The following CSGALNACT1 variants were observed in gnomAD, a reference collection of about 807,000 sequenced individuals.
CSGALNACT1 encodes beta4GalNAcT-1.
Under a neutral mutation model 51.0 loss-of-function variants are expected in CSGALNACT1, and 52 were observed. That is an observed-to-expected ratio of 1.02 (90% CI 0.82 to 1.29). The LOEUF (loss-of-function observed/expected upper bound fraction) is 1.29. Ranked by LOEUF, CSGALNACT1 falls within the 50% of genes most tolerant of loss-of-function variation. The pLI is 0.00. For missense variants in CSGALNACT1, 935 were observed against 679.2 expected (o/e 1.38, Z -4.19); for synonymous variants, 341 against 254.4 (o/e 1.34, Z -3.24).
intron 3 of CSGALNACT1, among the ~76,000 whole-genome samples, chr8:19,528,471 C>T (rs371765127): frequency 6.6e-5 from 10 of 152,102 alleles, no homozygotes; most frequent in African/African-American, 1.7e-4. Context: ...ACATGTCACC[C>T]GCAAAATACC....
chr8:19,651,142 A>G (rs2057766680), intron 1 of CSGALNACT1, among the ~76,000 whole-genome samples: 1 of 152,210 alleles, frequency 6.6e-6, no homozygotes, highest in Non-Finnish European at 1.5e-5. Flanking sequence ...CCATTGTAGT[A>G]CAGAACTAGC....
chr8:19,647,456 T>C (rs1054274314), intron 1 of CSGALNACT1, among the ~76,000 whole-genome samples: 1 of 152,208 alleles, frequency 6.6e-6, no homozygotes, highest in Non-Finnish European at 1.5e-5. Flanking sequence ...AGTGGCCATG[T>C]GTTTATCTGT....
intron 4 of CSGALNACT1, among the ~76,000 whole-genome samples, chr8:19,461,834 G>GCATATCCGCACAGCGGCCACATTCACCA (rs1298678613): frequency 1.4e-5 from 2 of 147,804 alleles, no homozygotes; most frequent in Admixed American, 6.8e-5. Context: ...GCCATGGAGG[G>GCATATCCGCACAGCGGCCACATTCACCA]TGTATCTGCA....
chr8:19,503,877 A>G (rs1436868804), intron 4 of CSGALNACT1, among the ~76,000 whole-genome samples: 10 of 151,984 alleles, frequency 6.6e-5, no homozygotes, highest in Non-Finnish European at 4.4e-5. Flanking sequence ...CTAAAATTGC[A>G]TCAACTTATG....
chr8:19,712,708 C>G (rs935916639), intron 1 of CSGALNACT1, among the ~76,000 whole-genome samples: 3 of 152,194 alleles, frequency 2.0e-5, no homozygotes, highest in Non-Finnish European at 2.9e-5. Context: ...CAAAACAGCA[C>G]CAGAACACAA....
chr8:19,483,819 G>A (rs928259326), intron 4 of CSGALNACT1, among the ~76,000 whole-genome samples: 4 of 152,168 alleles, frequency 2.6e-5, no homozygotes, highest in African/African-American at 9.7e-5. Context: ...TAAATTAAGT[G>A]AATATGTAGC....
chr8:19,634,441 C>A (rs1387990697), intron 1 of CSGALNACT1, among the ~76,000 whole-genome samples: 1 of 151,746 alleles, frequency 6.6e-6, no homozygotes, highest in African/African-American at 2.4e-5. Flanking sequence ...GCAAGAGGAT[C>A]ATTTGAGCCA....
chr8:19,703,327 G>A (rs919004728), intron 1 of CSGALNACT1, among the ~76,000 whole-genome samples: 3 of 151,982 alleles, frequency 2.0e-5, no homozygotes, highest in Non-Finnish European at 4.4e-5. Flanking sequence ...GTTTTGAGAC[G>A]CCATCTCACT....
At chr8:19,686,114 A>G (rs1427887437), upstream of CSGALNACT1, among the ~76,000 whole-genome samples, 2 of 152,176 alleles carry the variant, frequency 1.3e-5, no homozygotes, top group Non-Finnish European at 2.9e-5. Flanking sequence ...CCAGTGAATC[A>G]ACCTTGGCCG....
In CSGALNACT1 at chr8:19,458,413, C is replaced by A. The variant is rs371132091; in HGVS notation, c.851+13G>T. ...TCATGCGGAGGAAGATAAACACGTG[C>A]GAACAAACCAACCTGAAATTCTGCA... On this transcript the variant is annotated intron_variant, in intron 5 of 9. Transcript: ENST00000454498. The A allele has an allele frequency of 1.7e-5, 28 of 1,608,010 alleles. No individual in the cohort carries two copies. The highest frequency in any genetic ancestry group is 2.1e-5 in the Non-Finnish European group (25 of 1,174,442).
At chr8:19,501,048 G>A (rs777657042) in intron 4 of CSGALNACT1, among the ~76,000 whole-genome samples, 1 of 151,556 alleles carries the variant, frequency 6.6e-6, no homozygotes, top group Non-Finnish European at 1.5e-5. Context: ...TCAGGAGTTC[G>A]AGACCAGCCT....
chr8:19,493,871 T>TAC (rs57708862), intron 4 of CSGALNACT1, among the ~76,000 whole-genome samples: 4,719 of 149,020 alleles, frequency 0.032, 77 homozygotes, highest in Middle Eastern at 0.039. Context: ...TGTGTGTTTA[T>TAC]ACACACACAC....
intron 3 of CSGALNACT1, among the ~76,000 whole-genome samples, chr8:19,506,533 TGC>T (rs1171315208): frequency 6.6e-6 from 1 of 152,100 alleles, no homozygotes; most frequent in African/African-American, 2.4e-5. Flanking sequence ...CCGGAGACTG[TGC>T]TGTGTTTGTT....
chr8:19,690,778 G>C (rs1458235630), intron 1 of CSGALNACT1, among the ~76,000 whole-genome samples: 5 of 152,202 alleles, frequency 3.3e-5, no homozygotes, highest in Non-Finnish European at 7.3e-5. Flanking sequence ...TGCAAGCCTA[G>C]GTCTTCCTAA....
rs528420496 is a variant in CSGALNACT1 at position 19,599,826 on chromosome 8, A to G, written c.-416+1945T>C. 6.5e-4 allele frequency among the ~76,000 whole-genome samples: 99 copies of G among 152,330 alleles called. 1 individual carries two copies. In the South Asian group the frequency reaches 0.019, roughly 29 times the overall value. On this transcript the variant is annotated intron_variant, in intron 2 of 9. Coordinates refer to ENST00000454498, the Ensembl canonical transcript of CSGALNACT1. The stretch of plus-strand genomic sequence containing the variant: ...GCAGCAGAACTTCACCAGACTTGAA[A>G]GAAACCAACGTGCACATTGAGAAGA...
At chr8:19,464,315 T>G (rs570789929) in intron 4 of CSGALNACT1, among the ~76,000 whole-genome samples, 3 of 152,238 alleles carry the variant, frequency 2.0e-5, no homozygotes, top group Admixed American at 2.0e-4. Flanking sequence ...TTGGCCCTTA[T>G]GTGTTCACAG....
chr8:19,415,451 A>G lies in CSGALNACT1; in HGVS notation c.1227+3205T>C, dbSNP rs1402299654. ...GTGGTCTAGGAAAGGTCAAAATTGCATTTGGAAGTAAATGTCAGAGGCTGC... is the reference window on the plus strand; with the variant it reads ...GTGGTCTAGGAAAGGTCAAAATTGCGTTTGGAAGTAAATGTCAGAGGCTGC... On this transcript the variant is annotated intron_variant, in intron 8 of 9. Coordinates refer to ENST00000454498, the Ensembl canonical transcript of CSGALNACT1. Among the ~76,000 whole-genome samples the G allele has an allele frequency of 2.0e-5, 3 of 152,188 alleles. 1 individual carries two copies. Among genetic ancestry groups the G allele is most frequent in the Admixed American group, 2.0e-4 (3 of 15,282 alleles).
chr8:19,612,461 G>C (rs552808885), intron 1 of CSGALNACT1, among the ~76,000 whole-genome samples: 2 of 152,114 alleles, frequency 1.3e-5, no homozygotes, highest in Admixed American at 6.5e-5. Context: ...TACCTTGCAA[G>C]ATTCTTCACT....
intron 4 of CSGALNACT1, among the ~76,000 whole-genome samples, chr8:19,500,471 G>A (rs772440982): frequency 3.9e-5 from 6 of 151,926 alleles, no homozygotes; most frequent in Non-Finnish European, 7.4e-5. Context: ...TGCTATCACT[G>A]AAATGGCACA....
Sources: allele counts gnomAD v4.1 joint callset (sites outside exome capture counted in the v4.1 genomes callset), GRCh38; gene constraint gnomAD v4.1.1; transcripts MANE v1.5; gene names NCBI Gene and HGNC (gene_info 2026-07-23, HGNC 2026-07-21).